The following CLUL1 variants were observed in gnomAD, a reference collection of about 807,000 sequenced individuals.
The protein encoded by CLUL1 is clusterin like 1, also known as clusterin-like protein 1.
Under a neutral mutation model 49.4 loss-of-function variants are expected in CLUL1, and 43 were observed. That is an observed-to-expected ratio of 0.87 (90% CI 0.68 to 1.12). CLUL1 has a LOEUF of 1.12. Ranked by LOEUF, CLUL1 falls within the 50% of genes most tolerant of loss-of-function variation. The pLI is 0.00. For missense variants in CLUL1, 486 were observed against 544.4 expected (o/e 0.89, Z 1.07); for synonymous variants, 192 against 184.9 (o/e 1.04, Z -0.31).
At chr18:646,576 T>C (rs534001143) in intron 9 of CLUL1, among the ~76,000 whole-genome samples, 5 of 144,768 alleles carry the variant, frequency 3.5e-5, no homozygotes, top group East Asian at 2.0e-4. Flanking sequence ...TGCACAGGAG[T>C]GGGCTCTGGG....
intron 2 of CLUL1, among the ~76,000 whole-genome samples, chr18:610,505 G>A (rs925793065): frequency 3.9e-5 from 6 of 152,254 alleles, no homozygotes; most frequent in Admixed American, 2.6e-4. Flanking sequence ...GGGCTGTGCC[G>A]ACAGAGAGAC....
At chr18:648,320 C>G (rs1354618678) in intron 9 of CLUL1, among the ~76,000 whole-genome samples, 1 of 152,162 alleles carries the variant, frequency 6.6e-6, no homozygotes, top group African/African-American at 2.4e-5. Flanking sequence ...GGAGATCAAG[C>G]AAATTATTTA....
chr18:611,110 C>A (rs1471471719), intron 2 of CLUL1, among the ~76,000 whole-genome samples: 2 of 152,048 alleles, frequency 1.3e-5, no homozygotes, highest in African/African-American at 2.4e-5. Context: ...TCCTTTCCTA[C>A]TCCCCTTCCC....
rs141703835 is a variant in CLUL1, at chr18:602,456, G to A, written c.-135-4522G>A. Among the ~76,000 whole-genome samples the A allele has an allele frequency of 3.5e-3, 529 of 152,254 alleles. 3 individuals are homozygous for A. The highest frequency in any genetic ancestry group is 0.012 in the African/African-American group (503 of 41,546). Reference sequence around the variant, plus strand: ...TCATTTTGGCGTGGCAGCTCTGGCTGTTCCTCTGCAATTGCAGTTCCCTCC... The same window carrying A: ...TCATTTTGGCGTGGCAGCTCTGGCTATTCCTCTGCAATTGCAGTTCCCTCC... On this transcript the variant is annotated intron_variant, in intron 1 of 9. Coordinates refer to ENST00000692774, the MANE Select transcript of CLUL1 (RefSeq NM_001393344.1).
chr18:622,147 G>C (rs1021222546), intron 4 of CLUL1, among the ~76,000 whole-genome samples: 6 of 152,100 alleles, frequency 3.9e-5, no homozygotes, highest in Admixed American at 6.5e-5. Flanking sequence ...AGCAACCCTA[G>C]TCTCCCAGTA....
rs769916801 is a variant in CLUL1, at chr18:641,465, T to C, written c.1133T>C (p.Met378Thr). 12 of 1,614,044 alleles carry C rather than the reference T, an allele frequency of 7.4e-6. No homozygotes were observed. Among genetic ancestry groups the C allele is most frequent in the Non-Finnish European group, 1.0e-5 (12 of 1,180,036 alleles). Reference sequence around the variant, plus strand: ...GACACCGCCTATCTGGTGGAGAAGATGAGAGGGCAATTTGGCTGGGTGTCT... The same window carrying C: ...GACACCGCCTATCTGGTGGAGAAGACGAGAGGGCAATTTGGCTGGGTGTCT... Reference protein sequence around the residue: ...LEDTAYLVEKMRGQFGWVSEL... With the variant: ...LEDTAYLVEKTRGQFGWVSEL... The change falls in exon 8 of 10, where the codon ATG becomes ACG. Residue 378 changes from methionine to threonine, a missense_variant. By Grantham distance (81) the Met-to-Thr change is moderately conservative. Transcript: ENST00000692774.
intron 1 of CLUL1, chr18:598,630 A>G: frequency 2.5e-6 from 1 of 398,546 alleles, no homozygotes; most frequent in Non-Finnish European, 4.4e-6. Context: ...CAACCAAAAA[A>G]GTGGCTGTGG....
intron 2 of CLUL1, among the ~76,000 whole-genome samples, chr18:608,947 T>C (rs914053747): frequency 6.6e-6 from 1 of 152,222 alleles, no homozygotes; most frequent in Non-Finnish European, 1.5e-5. Flanking sequence ...ATCCACAGAG[T>C]CAGCACACAA....
chr18:619,400 C>G, intron 4 of CLUL1, 39 bp downstream of exon 4: 1 of 1,562,438 alleles, frequency 6.4e-7, no homozygotes, highest in Non-Finnish European at 8.7e-7. Context: ...TTACACAGAT[C>G]TGGACCAGAA....
Position 617,999 on chromosome 18 carries a change from A to G in CLUL1, c.-2A>G. 1.2e-6 allele frequency: 2 copies of G among 1,613,970 alleles called. No homozygotes were observed. Among genetic ancestry groups the G allele is most frequent in the South Asian group, 2.2e-5 (2 of 91,040 alleles). On this transcript the variant is annotated 5_prime_UTR_variant, in exon 3 of 10. Transcript: ENST00000692774. ...TTTTTCCTTTGCAGTAACAGCGGGA[A>G]CATGAAGCCGCCACTCTTGGTGTTT...
At chr18:626,661 C>G (rs762125958) in intron 5 of CLUL1, among the ~76,000 whole-genome samples, 6 of 150,668 alleles carry the variant, frequency 4.0e-5, no homozygotes, top group Admixed American at 6.7e-5. Flanking sequence ...GAGTTCGAGA[C>G]CAGCCTGGGC....
At position 641,320 on chromosome 18, in the gene CLUL1, C is replaced by T; in HGVS notation, c.995-7C>T. 1.2e-5 allele frequency: 19 copies of T among 1,613,924 alleles called. No homozygotes were observed. The highest frequency in any genetic ancestry group is 1.6e-5 in the Non-Finnish European group (19 of 1,179,826). On this transcript the variant is annotated splice_region_variant and splice_polypyrimidine_tract_variant and intron_variant, in intron 7 of 9. Transcript: ENST00000692774. ...TTCCTTCTCCACATTACTTTCTTCT[C>T]TGCTAGACTGTCCTGATGTACCTGC... is the stretch of plus-strand genomic sequence containing the variant.
At position 649,947 on chromosome 18, in the gene CLUL1, A is replaced by T; in HGVS notation, c.*46A>T. The T allele has an allele frequency of 8.1e-7, 1 of 1,227,804 alleles. No homozygotes were observed. The allele number at this position is 1,227,804 out of a possible 1,614,324, so 76.1% of individuals were successfully genotyped here. A position where few individuals can be genotyped will look rare whatever the true frequency, so the allele number is the denominator to read the frequency against. On this transcript the variant is annotated 3_prime_UTR_variant, in exon 10 of 10. Transcript: ENST00000692774. ...ATCCAGTAAGTAGAATTATCTCTTC[A>T]TCTGGGACCTGGAAATCCTGAAATA...
intron 2 of CLUL1, among the ~76,000 whole-genome samples, chr18:616,508 TATA>T (rs2073297043): frequency 1.3e-5 from 2 of 152,226 alleles, no homozygotes; most frequent in African/African-American, 4.8e-5. Flanking sequence ...CACATTTGTA[TATA>T]GGAAGGTAGC....
Position 618,057 on chromosome 18 carries a change from C to G in CLUL1, c.57C>G (p.His19Gln), listed in dbSNP as rs2073358315. Residue 19 changes from histidine (H) to glutamine (Q), a missense_variant, in exon 3 of 10, where the codon CAC (histidine) becomes CAG (glutamine). Coordinates refer to ENST00000692774, the MANE Select transcript of CLUL1 (RefSeq NM_001393344.1). This position sits in a 1 kb window ranked among gnomAD's most constrained non-coding sequence, Gnocchi z 4.2. ...IVCLLWLKDS[H>Q]CAPTWKDKTA... ...GTCTGCTGTGGTTGAAAGACAGTCA[C>G]TGCGCACCCACTTGGAAGGACAAAA... 6.2e-7 allele frequency: 1 copy of G among 1,614,192 alleles called. No individual in the cohort carries two copies. Among genetic ancestry groups the G allele is most frequent in the Non-Finnish European group, 8.5e-7 (1 of 1,180,024 alleles).
chr18:609,102 A>G (rs147312514), intron 2 of CLUL1, among the ~76,000 whole-genome samples: 212 of 152,310 alleles, frequency 1.4e-3, no homozygotes, highest in African/African-American at 4.8e-3. Context: ...ACATCTAAAC[A>G]CAAAATTCAT....
chr18:647,981 C>A (rs2074559067), intron 9 of CLUL1, among the ~76,000 whole-genome samples: 1 of 152,090 alleles, frequency 6.6e-6, no homozygotes. Flanking sequence ...TGGCACAGGG[C>A]AAACCCTCAA....
chr18:637,192 TAGCC>T (rs1027927576), intron 7 of CLUL1, among the ~76,000 whole-genome samples: 1 of 151,818 alleles, frequency 6.6e-6, no homozygotes, highest in African/African-American at 2.4e-5. Flanking sequence ...TTCACCGTGT[TAGCC>T]AGGATGGTCT....
rs2143999032 is a variant in CLUL1, at chr18:618,095, A to G, written c.95A>G (p.Glu32Gly). ...PTWKDKTAIS[E>G]NLKSFSEVGE... ...TGGAAGGACAAAACTGCTATCAGTG[A>G]AAACCTGAAGAGTACGTTTGGTTTC... The change falls in exon 3 of 10, where the codon GAA (glutamate) becomes GGA (glycine). Residue 32 changes from glutamate to glycine, a missense_variant. Transcript: ENST00000692774. The surrounding 1 kb of genome is among the most constrained non-coding windows in gnomAD (Gnocchi z 4.2). The G allele has an allele frequency of 6.2e-7, 1 of 1,613,046 alleles. No homozygotes were observed. Among genetic ancestry groups the G allele is most frequent in the Non-Finnish European group, 8.5e-7 (1 of 1,178,974 alleles).
Sources: gnomAD v4.1 joint callset for allele counts (sites outside exome capture counted in the v4.1 genomes callset) on GRCh38, gnomAD v4.1.1 for gene constraint, Gnocchi (gnomAD v3.1) non-coding constraint, MANE v1.5 for transcripts, NCBI Gene and HGNC (gene_info 2026-07-23, HGNC 2026-07-21) for gene names.